VSX2: variants seen among roughly 807,000 people sequenced by gnomAD.
VSX2 encodes visual system homeobox 2, also known as ceh-10 homeo domain containing homolog.
VSX2 carries 28 observed loss-of-function variants against 32.1 expected under a neutral mutation model. The ratio of observed to expected loss-of-function variants is 0.87; its 90% confidence interval spans 0.65 to 1.20. VSX2 has a LOEUF of 1.20. Ranked by LOEUF, VSX2 falls within the 50% of genes most tolerant of loss-of-function variation. The pLI, the probability that VSX2 is intolerant of heterozygous loss-of-function variation, is 0.00. For synonymous variants in VSX2, 243 were observed against 214.1 expected (o/e 1.14, Z -1.18); for missense variants, 506 against 488.7 (o/e 1.04, Z -0.33).
Position 74,255,383 on chromosome 14 carries a change from A to G in VSX2, c.580-4219A>G, listed in dbSNP as rs1028659163. Reference sequence around the variant, plus strand: ...TAGAAAGAAATTGTTTTGGCCATCCAGGTTTCCTCTATAAATTGGAGCAGC... The same window carrying G: ...TAGAAAGAAATTGTTTTGGCCATCCGGGTTTCCTCTATAAATTGGAGCAGC... On this transcript the variant is annotated intron_variant, in intron 3 of 4. Transcript: ENST00000261980. Among the ~76,000 whole-genome samples, 5 of 152,228 alleles carry G rather than the reference A, an allele frequency of 3.3e-5. 1 individual carries two copies. Among genetic ancestry groups the G allele is most frequent in the Non-Finnish European group, 7.3e-5 (5 of 68,034 alleles).
intron 3 of VSX2, among the ~76,000 whole-genome samples, chr14:74,255,043 G>A (rs566160958): frequency 6.6e-6 from 1 of 152,196 alleles, no homozygotes; most frequent in Admixed American, 6.5e-5. Context: ...GCCTCCCAAA[G>A]TGCTGGGATT....
chr14:74,258,091 C>A (rs904892674), intron 3 of VSX2, among the ~76,000 whole-genome samples: 18 of 151,984 alleles, frequency 1.2e-4, no homozygotes, highest in African/African-American at 3.6e-4. Context: ...AAATTAACAC[C>A]CAATTTTCCC....
chr14:74,239,848 T>A lies in VSX2; in HGVS notation c.287T>A (p.Val96Glu), dbSNP rs1265552920. The A allele has an allele frequency of 1.3e-6, 2 of 1,578,480 alleles. No individual in the cohort carries two copies. The highest frequency in any genetic ancestry group is 2.7e-5 in the African/African-American group (2 of 74,424). Residue 96 changes from valine to glutamate, a missense_variant, in exon 1 of 5, where the codon GTG becomes GAG. Transcript: ENST00000261980. ...TACACGCAGCCCACCTTCCTGGAAG[T>A]GCTGTCCGACCCGCAGAGCGTCCAC... ...GFYTQPTFLEVLSDPQSVHLQ... is the reference protein window; with the variant it reads ...GFYTQPTFLEELSDPQSVHLQ...
intron 3 of VSX2, among the ~76,000 whole-genome samples, chr14:74,252,244 G>A (rs538150893): frequency 7.9e-5 from 12 of 152,346 alleles, no homozygotes; most frequent in Admixed American, 5.2e-4. Context: ...CCTGCTAGCT[G>A]TGCCTTTGCA....
At position 74,245,306 on chromosome 14, in the gene VSX2, C is replaced by T; in HGVS notation, c.579+18C>T. The T allele has an allele frequency of 6.2e-7, 1 of 1,613,154 alleles. No homozygotes were observed. The highest frequency in any genetic ancestry group is 8.5e-7 in the Non-Finnish European group (1 of 1,179,674). On this transcript the variant is annotated intron_variant, in intron 3 of 4. Coordinates refer to ENST00000261980, the MANE Select transcript of VSX2 (RefSeq NM_182894.3). ...GGATACAGGTAACAGCCCTGAGCCC[C>T]TCTCCCCTCCACTCTCCCCTCTCTC...
chr14:74,247,899 C>T (rs945391717), intron 3 of VSX2, among the ~76,000 whole-genome samples: 4 of 151,972 alleles, frequency 2.6e-5, no homozygotes, highest in African/African-American at 7.2e-5. Flanking sequence ...AGCAAGTCCT[C>T]GCCCTCCCTC....
intron 3 of VSX2, among the ~76,000 whole-genome samples, chr14:74,258,582 G>T (rs1261205865): frequency 6.6e-6 from 1 of 152,152 alleles, no homozygotes; most frequent in Non-Finnish European, 1.5e-5. Flanking sequence ...GAACCGCCAG[G>T]CTTGGGGCGC....
chr14:74,253,437 C>T (rs762832759), intron 3 of VSX2, among the ~76,000 whole-genome samples: 2 of 152,156 alleles, frequency 1.3e-5, no homozygotes, highest in Admixed American at 6.5e-5. Context: ...TAGGGTTTTA[C>T]GTGAAAGGTA....
chr14:74,251,464 AAAC>A (rs1182937675), intron 3 of VSX2, among the ~76,000 whole-genome samples: 9 of 152,192 alleles, frequency 5.9e-5, no homozygotes, highest in Non-Finnish European at 7.3e-5. Flanking sequence ...AAAGCAACAA[AAAC>A]AACAACAAAA....
chr14:74,244,965 T>TGAGAGAGAGAGAGAAAGAGAGAGAGAGA (rs1566884569), intron 2 of VSX2, among the ~76,000 whole-genome samples, 200 bp from the exon 3 acceptor site: 1 of 102,150 alleles, frequency 9.8e-6, no homozygotes. Context: ...TGTGTGTGTG[T>TGAGAGAGAGAGAGAAAGAGAGAGAGAGA]GTGTGTGTGT....
intron 4 of VSX2, among the ~76,000 whole-genome samples, chr14:74,260,390 C>T (rs1300376962): frequency 6.6e-6 from 1 of 152,168 alleles, no homozygotes; most frequent in East Asian, 1.9e-4. Flanking sequence ...AGGGCTTTGG[C>T]AGGGGGAGGT....
intron 3 of VSX2, among the ~76,000 whole-genome samples, chr14:74,245,840 C>A (rs1012468645): frequency 3.3e-5 from 5 of 152,214 alleles, no homozygotes; most frequent in Non-Finnish European, 7.3e-5. Context: ...CAACTGCTGC[C>A]CTGACCTGCT....
chr14:74,239,626 C>CG lies in VSX2; in HGVS notation c.71dup (p.Ala25ArgfsTer102), dbSNP rs869025268. On this transcript the variant is annotated frameshift_variant, in exon 1 of 5. Transcript: ENST00000261980. LOFTEE classifies it high-confidence loss of function. The stretch of plus-strand genomic sequence containing the variant: ...TCCGAGACAGTGGCCAAGAGTACCT[C>CG]GGGGGGCGCCCCGGCCAGGTGCACT... 3.9e-6 allele frequency: 6 copies of CG among 1,551,092 alleles called. No individual in the cohort carries two copies. Among genetic ancestry groups the CG allele is most frequent in the Non-Finnish European group, 8.7e-7 (1 of 1,146,946 alleles).
chr14:74,255,680 A>T (rs1020237012), intron 3 of VSX2, among the ~76,000 whole-genome samples: 1 of 152,178 alleles, frequency 6.6e-6, no homozygotes, highest in Non-Finnish European at 1.5e-5. Context: ...AAACTGCGCC[A>T]TCTCAAGCAT....
Position 74,245,028 on chromosome 14 carries a change from G to GAT in VSX2, c.456-136_456-135insTA, listed in dbSNP as rs1422490564. 187 of 922,486 alleles carry GAT rather than the reference G, an allele frequency of 2.0e-4. No homozygotes were observed. In the African/African-American group the frequency reaches 3.0e-3, roughly 15 times the overall value. The allele number at this position is 922,486 out of a possible 1,614,324, so 57.1% of individuals were successfully genotyped here. A position where few individuals can be genotyped will look rare whatever the true frequency, so the allele number is the denominator to read the frequency against. On this transcript the variant is annotated intron_variant, in intron 2 of 4. Coordinates refer to ENST00000261980, the MANE Select transcript of VSX2 (RefSeq NM_182894.3). Reference sequence around the variant, plus strand: ...AGAGACAGAGAGAGAGAGAGAGAGAGAATTTGTGTCCTATTGTGCTGAGCC... The same window carrying GAT: ...AGAGACAGAGAGAGAGAGAGAGAGAGATAATTTGTGTCCTATTGTGCTGAGCC...
chr14:74,241,145 C>A (rs1365240321), intron 1 of VSX2, 37 bp from the exon 2 acceptor site: 2 of 1,603,956 alleles, frequency 1.2e-6, no homozygotes, highest in South Asian at 2.2e-5. Flanking sequence ...GGAGCGCGTC[C>A]CCCACTCTGC....
intron 2 of VSX2, among the ~76,000 whole-genome samples, chr14:74,244,912 G>GAAAGAGAGAGAGAAAGAGAGAGAGAA (rs2079176076): frequency 1.7e-5 from 2 of 118,120 alleles, no homozygotes; most frequent in Non-Finnish European, 3.7e-5. Flanking sequence ...GTGTGTGTGT[G>GAAAGAGAGAGAGAAAGAGAGAGAGAA]TGTGTGTGTG....
At chr14:74,250,482 C>T (rs1347479732) in intron 3 of VSX2, among the ~76,000 whole-genome samples, 1 of 152,098 alleles carries the variant, frequency 6.6e-6, no homozygotes, top group African/African-American at 2.4e-5. Context: ...TAAACAGAGA[C>T]TACATTTCAC....
intron 3 of VSX2, among the ~76,000 whole-genome samples, chr14:74,250,226 A>G (rs1042906769): frequency 7.6e-6 from 1 of 131,274 alleles, no homozygotes; most frequent in Non-Finnish European, 1.6e-5. Context: ...GACACAGCAG[A>G]ATCCTGTTTC....
Sources: gnomAD v4.1 joint callset for allele counts (sites outside exome capture counted in the v4.1 genomes callset) on GRCh38, gnomAD v4.1.1 for gene constraint, MANE v1.5 for transcripts, NCBI Gene and HGNC (gene_info 2026-07-23, HGNC 2026-07-21) for gene names.